KAZN: variants seen among roughly 807,000 people sequenced by gnomAD.
The protein encoded by KAZN is kazrin.
KAZN carries 40 observed loss-of-function variants against 87.4 expected under a neutral mutation model. That is an observed-to-expected ratio of 0.46 (90% CI 0.36 to 0.60). The LOEUF is 0.60. KAZN is among the 20% of genes least tolerant of loss of function. The pLI is 0.00. For synonymous variants in KAZN, 466 were observed against 458.3 expected, an observed-to-expected ratio of 1.02 and a Z score of -0.22; for missense variants, 898 against 1,073.9, an observed-to-expected ratio of 0.84 and a Z score of 2.29.
At chr1:15,063,964 C>T (rs1639026227) in intron 7 of KAZN, among the ~76,000 whole-genome samples, 1 of 152,198 alleles carries the variant, frequency 6.6e-6, no homozygotes, top group Non-Finnish European at 1.5e-5. Flanking sequence ...CCTGGGCCCG[C>T]CTGGCCCTGT....
chr1:14,921,903 G>T (rs1572836043), intron 1 of KAZN, among the ~76,000 whole-genome samples: 1 of 152,112 alleles, frequency 6.6e-6, no homozygotes, highest in East Asian at 1.9e-4. Flanking sequence ...GTAGAGACGG[G>T]GTTTCACCAT....
intron 1 of KAZN, among the ~76,000 whole-genome samples, chr1:13,942,311 C>T (rs928744853): frequency 5.9e-5 from 9 of 151,418 alleles, no homozygotes; most frequent in Non-Finnish European, 1.2e-4. Context: ...GAGGCCGAGG[C>T]GGGTGGATCA....
At chr1:14,572,698 G>GCCCCTACATTT (rs1674944378) in intron 2 of KAZN, among the ~76,000 whole-genome samples, 2 of 152,168 alleles carry the variant, frequency 1.3e-5, no homozygotes, top group African/African-American at 2.4e-5. Flanking sequence ...CTTTAAGAAG[G>GCCCCTACATTT]GGTATGTGTA....
chr1:14,981,084 C>T (rs1484990781), intron 2 of KAZN, among the ~76,000 whole-genome samples: 1 of 152,188 alleles, frequency 6.6e-6, no homozygotes, highest in Middle Eastern at 3.4e-3. Flanking sequence ...TGCAGAACAG[C>T]GGGGCCTGAG....
rs144196711 is a variant in KAZN, at chr1:13,950,517, C to T, written c.91+56761C>T. Among the ~76,000 whole-genome samples, 311 of 152,338 alleles carry T rather than the reference C, an allele frequency of 2.0e-3. 1 individual carries two copies. Among genetic ancestry groups the T allele is most frequent in the African/African-American group, 7.1e-3 (294 of 41,564 alleles). On this transcript the variant is annotated intron_variant, in intron 1 of 16. Coordinates refer to the KAZN transcript ENST00000636203. ...TTGAATGAGTTGTCTGAGTTATCTA[C>T]TTGCTTGTGGGCTTCCTTACTAGAC...
chr1:14,362,997 C>A (rs530993971), intron 2 of KAZN, among the ~76,000 whole-genome samples: 1 of 152,186 alleles, frequency 6.6e-6, no homozygotes, highest in African/African-American at 2.4e-5. Flanking sequence ...TCTCCTAGCC[C>A]ATGCTGTATC....
intron 2 of KAZN, among the ~76,000 whole-genome samples, chr1:14,186,916 G>A (rs1391414462): frequency 2.0e-5 from 3 of 152,130 alleles, no homozygotes; most frequent in South Asian, 2.1e-4. Context: ...ATAACTGGAC[G>A]TTGAAGTGCT....
intron 1 of KAZN, among the ~76,000 whole-genome samples, chr1:14,885,144 C>T (rs1227821587): frequency 6.6e-6 from 1 of 152,176 alleles, no homozygotes; most frequent in Non-Finnish European, 1.5e-5. Context: ...ATAACATTAC[C>T]TCCAGGTTCT....
At chr1:14,116,264 A>G (rs10928020) in intron 1 of KAZN, among the ~76,000 whole-genome samples, 8,095 of 152,142 alleles carry the variant, frequency 0.053, 310 homozygotes, top group Middle Eastern at 0.12. Flanking sequence ...CTCTCCCATC[A>G]CAGGCCCAGA....
intron 1 of KAZN, among the ~76,000 whole-genome samples, chr1:13,971,106 G>A (rs974748383): frequency 6.6e-6 from 1 of 152,142 alleles, no homozygotes; most frequent in Non-Finnish European, 1.5e-5. Flanking sequence ...TTGGCTGGCT[G>A]GTGTCTACCT....
chr1:15,075,408 C>T (rs746732339), intron 8 of KAZN, among the ~76,000 whole-genome samples: 2 of 152,228 alleles, frequency 1.3e-5, no homozygotes, highest in Admixed American at 1.3e-4. Flanking sequence ...AAATCTTCTA[C>T]CTTTACCCAT....
rs541210685 is a variant in KAZN at position 14,794,899 on chromosome 1, G to T, written c.227-165785G>T. Among the ~76,000 whole-genome samples the T allele has an allele frequency of 8.5e-5, 13 of 152,340 alleles. No homozygotes were observed. The East Asian group carries it at 2.5e-3, about 29-fold the overall frequency. ...AGCACGGCTAGGATAAAAGCAGGCA[G>T]AGGAACATGGAAGGACTAGACTGGC... On this transcript the variant is annotated intron_variant, in intron 1 of 14. Coordinates refer to ENST00000376030, the MANE Select transcript of KAZN (RefSeq NM_201628.3).
At chr1:14,977,300 A>G (rs1665745323) in intron 2 of KAZN, among the ~76,000 whole-genome samples, 1 of 152,160 alleles carries the variant, frequency 6.6e-6, no homozygotes, top group Admixed American at 6.5e-5. Flanking sequence ...TAGTAGGGAC[A>G]ATTTGCTGGC....
chr1:15,054,864 G>A (rs1674784207), intron 4 of KAZN, among the ~76,000 whole-genome samples: 1 of 152,260 alleles, frequency 6.6e-6, no homozygotes, highest in South Asian at 2.1e-4. Context: ...CCCCAGCTCA[G>A]CCTCACACTT....
intron 1 of KAZN, among the ~76,000 whole-genome samples, chr1:14,880,817 A>G (rs1411293330): frequency 1.3e-5 from 2 of 152,110 alleles, no homozygotes; most frequent in Non-Finnish European, 2.9e-5. Context: ...GCCTTTGATG[A>G]CCTGACCTTG....
chr1:14,454,549 G>C (rs963507198), intron 2 of KAZN, among the ~76,000 whole-genome samples: 1 of 152,314 alleles, frequency 6.6e-6, no homozygotes, highest in Middle Eastern at 3.4e-3. Context: ...CCCTTGAAGA[G>C]AGGATGCATT....
At chr1:14,411,909 TA>T (rs1664340060) in intron 2 of KAZN, among the ~76,000 whole-genome samples, 1 of 152,200 alleles carries the variant, frequency 6.6e-6, no homozygotes, top group African/African-American at 2.4e-5. Flanking sequence ...TTAAATTGTA[TA>T]AAGTAAAATA....
intron 10 of KAZN, among the ~76,000 whole-genome samples, chr1:15,098,147 G>A (rs567842581): frequency 8.5e-5 from 13 of 152,358 alleles, no homozygotes; most frequent in South Asian, 2.1e-4. Context: ...ACAGCTTCCC[G>A]TTTTCCGTGC....
chr1:14,555,737 T>C (rs1180147282), intron 2 of KAZN, among the ~76,000 whole-genome samples: 1 of 152,234 alleles, frequency 6.6e-6, no homozygotes, highest in Non-Finnish European at 1.5e-5. Context: ...TTCTGTTTGC[T>C]AGCCATTCCT....
Sources: gnomAD v4.1 joint callset for allele counts (sites outside exome capture counted in the v4.1 genomes callset) on GRCh38, gnomAD v4.1.1 for gene constraint, MANE v1.5 for transcripts, NCBI Gene and HGNC (gene_info 2026-07-23, HGNC 2026-07-21) for gene names.